Variants in PDZD2 observed in about 807,000 individuals in gnomAD.
The protein encoded by PDZD2 is PDZ domain-containing protein 2.
In PDZD2, 90 loss-of-function variants were observed where a neutral mutation model predicts 220.7. That is an observed-to-expected ratio of 0.41 (90% CI 0.34 to 0.49). The LOEUF (loss-of-function observed/expected upper bound fraction) is 0.49, where lower values mean the gene tolerates loss of function less well. PDZD2 is among the 20% of genes least tolerant of loss of function. The pLI is 0.28. For synonymous variants in PDZD2, 1,375 were observed against 1,450.5 expected, an observed-to-expected ratio of 0.95 and a Z score of 1.18; for missense variants, 3,174 against 3,608.5, an observed-to-expected ratio of 0.88 and a Z score of 3.08.
At chr5:31,797,882 G>T (rs1754139593) in intron 1 of PDZD2, among the ~76,000 whole-genome samples, 1 of 152,152 alleles carries the variant, frequency 6.6e-6, no homozygotes, top group Non-Finnish European at 1.5e-5. Context: ...TTCCACGTTG[G>T]ATGGCACGGT....
rs1745478221 is a variant in PDZD2 at position 31,654,678 on chromosome 5, G to A, written c.-361+15241G>A. On this transcript the variant is annotated intron_variant, in intron 1 of 24. Transcript: ENST00000438447. ...TTTAAAAATCATTCTTTAGAATACA[G>A]GCATTGCTCCTCACTTCTCCCCTCA... is the stretch of plus-strand genomic sequence containing the variant. 3.3e-5 allele frequency among the ~76,000 whole-genome samples: 5 copies of A among 152,090 alleles called. No individual in the cohort carries two copies. The South Asian group carries it at 1.0e-3, about 32-fold the overall frequency.
intron 2 of PDZD2, among the ~76,000 whole-genome samples, chr5:31,973,394 A>G (rs908858942): frequency 4.6e-5 from 7 of 152,218 alleles, no homozygotes; most frequent in African/African-American, 1.7e-4. Context: ...TTCATTGATC[A>G]TATCATTTAG....
chr5:31,697,926 CAG>C (rs1465120343), intron 1 of PDZD2, among the ~76,000 whole-genome samples: 26 of 151,396 alleles, frequency 1.7e-4, no homozygotes, highest in African/African-American at 5.6e-4. Context: ...TTTTTTTAGA[CAG>C]AGTCTCTCTC....
At chr5:32,081,602 A>G (rs915624023) in intron 19 of PDZD2, among the ~76,000 whole-genome samples, 16 of 152,204 alleles carry the variant, frequency 1.1e-4, no homozygotes, top group Non-Finnish European at 8.8e-5. Context: ...TGAAAAGGCT[A>G]TCTGTGACCA....
chr5:31,944,418 TAACAAATTCA>T (rs1364594110), intron 2 of PDZD2, among the ~76,000 whole-genome samples: 1 of 152,220 alleles, frequency 6.6e-6, no homozygotes, highest in Non-Finnish European at 1.5e-5. Context: ...TCTGCTTTTC[TAACAAATTCA>T]AACAAATTCA....
intron 2 of PDZD2, among the ~76,000 whole-genome samples, chr5:31,956,945 C>T (rs1231013520): frequency 6.6e-6 from 1 of 152,036 alleles, no homozygotes; most frequent in African/African-American, 2.4e-5. Context: ...GGCTAAAGTG[C>T]AGTGACACGA....
At chr5:31,908,815 C>G (rs1274603924) in intron 2 of PDZD2, 1 of 622,302 alleles carries the variant, frequency 1.6e-6, no homozygotes, top group African/African-American at 1.8e-5. Flanking sequence ...GAGGCTGAGG[C>G]GGGAGGATCA....
intron 2 of PDZD2, among the ~76,000 whole-genome samples, chr5:31,806,921 G>A (rs1398680603): frequency 1.3e-5 from 2 of 148,632 alleles, no homozygotes; most frequent in African/African-American, 5.0e-5. Context: ...TGTAAACTTT[G>A]GGCGTCTTTG....
intron 2 of PDZD2, among the ~76,000 whole-genome samples, chr5:31,821,136 T>C (rs1755818739): frequency 1.3e-5 from 2 of 152,060 alleles, no homozygotes; most frequent in Non-Finnish European, 2.9e-5. Context: ...TCTGATTTTT[T>C]TCTTTTATAA....
At chr5:31,904,205 C>T (rs546170013) in intron 2 of PDZD2, among the ~76,000 whole-genome samples, 2 of 152,192 alleles carry the variant, frequency 1.3e-5, no homozygotes, top group East Asian at 1.9e-4. Context: ...TTAATAAGAA[C>T]TTACTACATC....
Position 31,849,933 on chromosome 5 carries a change from CACATATATATATATACATAT to C in PDZD2, c.476+50211_476+50230del, listed in dbSNP as rs1757861841. On this transcript the variant is annotated intron_variant, in intron 2 of 24. Coordinates refer to ENST00000438447, the MANE Select transcript of PDZD2 (RefSeq NM_178140.4). ...ATATATATATACATATATATATATA[CACATATATATATATACATAT>C]ATATATATACACATATATATATATA... Among the ~76,000 whole-genome samples, 3 of 12,478 alleles carry C rather than the reference CACATATATATATATACATAT, an allele frequency of 2.4e-4. 1 individual carries two copies. The highest frequency in any genetic ancestry group is 4.3e-4 in the Non-Finnish European group (3 of 6,948). The allele number at this position is 12,478 out of a possible 152,430, so 8.2% of individuals were successfully genotyped here.
chr5:32,045,539 G>C (rs1244500246), intron 7 of PDZD2, among the ~76,000 whole-genome samples: 1 of 150,068 alleles, frequency 6.7e-6, no homozygotes, highest in African/African-American at 2.4e-5. Context: ...TCATGCCTCA[G>C]CCTCCCGTGT....
chr5:31,692,243 G>C (rs1041439926), intron 1 of PDZD2, among the ~76,000 whole-genome samples: 5 of 152,204 alleles, frequency 3.3e-5, no homozygotes, highest in Non-Finnish European at 7.4e-5. Context: ...GGGGCCGGTG[G>C]GGCCGGCCGG....
chr5:32,074,679 T>C, intron 18 of PDZD2, 36 bp downstream of exon 18: 1 of 1,371,756 alleles, frequency 7.3e-7, no homozygotes, highest in Non-Finnish European at 1.0e-6. Flanking sequence ...GGAATGGAAG[T>C]GCATGAATAT....
At chr5:31,798,657 G>A (rs1193500730) in intron 1 of PDZD2, among the ~76,000 whole-genome samples, 3 of 152,180 alleles carry the variant, frequency 2.0e-5, no homozygotes, top group Admixed American at 1.3e-4. Flanking sequence ...GCTGATCCAG[G>A]AAACTTCCTG....
chr5:31,726,256 C>T (rs751699728), intron 1 of PDZD2, among the ~76,000 whole-genome samples: 28 of 152,190 alleles, frequency 1.8e-4, no homozygotes, highest in African/African-American at 4.8e-4. Context: ...GGGCCGGGCG[C>T]GGTGGCTCAC....
intron 14 of PDZD2, among the ~76,000 whole-genome samples, chr5:32,069,108 A>T (rs1050239406): frequency 6.6e-6 from 1 of 152,058 alleles, no homozygotes; most frequent in Non-Finnish European, 1.5e-5. Context: ...TCTACTAAAA[A>T]TACAAAAATT....
intron 1 of PDZD2, among the ~76,000 whole-genome samples, chr5:31,776,971 A>T (rs1371762686): frequency 6.6e-6 from 1 of 151,458 alleles, no homozygotes; most frequent in Non-Finnish European, 1.5e-5. Context: ...CACTCTCAGC[A>T]CCTCCTCGGC....
chr5:32,032,999 A>G (rs1038447586), intron 6 of PDZD2, among the ~76,000 whole-genome samples: 4 of 152,252 alleles, frequency 2.6e-5, no homozygotes, highest in South Asian at 2.1e-4. Flanking sequence ...GGCAAATTCT[A>G]TGAGACTCCA....
Sources: allele counts gnomAD v4.1 joint callset (sites outside exome capture counted in the v4.1 genomes callset), GRCh38; gene constraint gnomAD v4.1.1; transcripts MANE v1.5; gene names NCBI Gene and HGNC (gene_info 2026-07-23, HGNC 2026-07-21).